KAT6B: variants seen among roughly 807,000 people sequenced by gnomAD.
KAT6B encodes histone acetyltransferase KAT6B.
Under a neutral mutation model 187.5 loss-of-function variants are expected in KAT6B, and 10 were observed. The observed-to-expected ratio is 0.05, with a 90% CI of 0.03 to 0.09. KAT6B has a LOEUF of 0.09. Among genes scored for constraint, KAT6B ranks in the 10% least tolerant of loss-of-function variants. The pLI, the probability that KAT6B is intolerant of heterozygous loss-of-function variation, is 1.00. For missense variants in KAT6B, 1,952 were observed against 2,558.9 expected, an observed-to-expected ratio of 0.76 and a Z score of 5.12; for synonymous variants, 861 against 926.8, an observed-to-expected ratio of 0.93 and a Z score of 1.29.
At chr10:74,867,769 C>A (rs1382575768) in intron 3 of KAT6B, among the ~76,000 whole-genome samples, 2 of 152,126 alleles carry the variant, frequency 1.3e-5, no homozygotes, top group Non-Finnish European at 2.9e-5. Flanking sequence ...GGTCAGTGAG[C>A]AGCTGCTCCA....
At chr10:75,007,296 A>G (rs1844279859) in intron 13 of KAT6B, among the ~76,000 whole-genome samples, 1 of 152,114 alleles carries the variant, frequency 6.6e-6, no homozygotes, top group African/African-American at 2.4e-5. Context: ...TTTGCAAGAG[A>G]TACAGAGTAA....
At chr10:74,959,617 C>G (rs1346278912) in intron 3 of KAT6B, among the ~76,000 whole-genome samples, 1 of 152,018 alleles carries the variant, frequency 6.6e-6, no homozygotes, top group East Asian at 1.9e-4. Context: ...TGGTGAAACC[C>G]CATCTCTACT....
intron 15 of KAT6B, among the ~76,000 whole-genome samples, 155 bp from the exon 16 acceptor site, chr10:75,021,726 T>G (rs1175611283): frequency 6.6e-6 from 1 of 152,208 alleles, no homozygotes; most frequent in East Asian, 1.9e-4. Flanking sequence ...TCCTAACTGA[T>G]GCAAAAGGTT....
intron 13 of KAT6B, among the ~76,000 whole-genome samples, chr10:75,001,747 T>A (rs1416714151): frequency 6.6e-6 from 1 of 152,188 alleles, no homozygotes; most frequent in Admixed American, 6.5e-5. Context: ...AAAATTGCCT[T>A]CTTGAAATAA....
At chr10:74,871,879 TC>T (rs766896818) in intron 3 of KAT6B, among the ~76,000 whole-genome samples, 9 of 152,116 alleles carry the variant, frequency 5.9e-5, no homozygotes, top group Non-Finnish European at 1.3e-4. Flanking sequence ...ATGTGTGGTG[TC>T]CTAACTCTCT....
chr10:74,903,478 T>C (rs531005733), intron 3 of KAT6B, among the ~76,000 whole-genome samples: 1 of 152,266 alleles, frequency 6.6e-6, no homozygotes, highest in South Asian at 2.1e-4. Context: ...TGCCAAGCAA[T>C]GTGGGTAGCT....
chr10:74,928,240 GGT>G (rs1220092367), intron 3 of KAT6B, among the ~76,000 whole-genome samples: 1 of 152,168 alleles, frequency 6.6e-6, no homozygotes, highest in East Asian at 1.9e-4. Context: ...TTCTTTCTCT[GGT>G]TAAAATTATC....
At chr10:74,840,734 T>G (rs1713088311) in intron 2 of KAT6B, among the ~76,000 whole-genome samples, 1 of 152,144 alleles carries the variant, frequency 6.6e-6, no homozygotes, top group Non-Finnish European at 1.5e-5. Flanking sequence ...GTAGAGTGAA[T>G]TTACAGCTTA....
At position 74,979,235 on chromosome 10, in the gene KAT6B, T is replaced by C. The variant is rs1328202221; in HGVS notation, c.2127T>C (p.Cys709=). ...TTTCTATTTGACAGAAAATAGAGTG[T>C]GAGAGTGGGGTGGAAGACTGTGGCC... The part of the protein sequence containing the change: ...AQELSWEKIE[C]ESGVEDCGRY... The change falls in exon 10 of 18, where the codon TGT becomes TGC. Residue 709 remains cysteine, a synonymous_variant. Coordinates refer to ENST00000287239, the MANE Select transcript of KAT6B (RefSeq NM_012330.4). The C allele has an allele frequency of 4.3e-6, 7 of 1,609,868 alleles. No individual in the cohort carries two copies. The highest frequency in any genetic ancestry group is 6.0e-6 in the Non-Finnish European group (7 of 1,176,170).
At chr10:74,913,352 T>G (rs917783472) in intron 3 of KAT6B, among the ~76,000 whole-genome samples, 1 of 152,172 alleles carries the variant, frequency 6.6e-6, no homozygotes, top group Non-Finnish European at 1.5e-5. Flanking sequence ...AAAGTTTAAT[T>G]TATAAATTAG....
intron 13 of KAT6B, among the ~76,000 whole-genome samples, chr10:74,997,354 CTGAG>C (rs1843510499): frequency 6.6e-6 from 1 of 151,648 alleles, no homozygotes; most frequent in Middle Eastern, 3.4e-3. Context: ...CTGACATTTA[CTGAG>C]TGAGTAACAT....
intron 3 of KAT6B, among the ~76,000 whole-genome samples, chr10:74,914,963 G>C (rs1847556794): frequency 6.6e-6 from 1 of 152,062 alleles, no homozygotes; most frequent in Non-Finnish European, 1.5e-5. Context: ...AGCCAGGCTT[G>C]GTGGCCCACA....
At chr10:74,942,455 A>G (rs1281092658) in intron 3 of KAT6B, among the ~76,000 whole-genome samples, 2 of 152,066 alleles carry the variant, frequency 1.3e-5, no homozygotes, top group Non-Finnish European at 2.9e-5. Flanking sequence ...TGTCAACCTG[A>G]TAAAAGACAT....
chr10:74,979,893 T>C (rs1285463254), intron 10 of KAT6B, among the ~76,000 whole-genome samples: 1 of 152,230 alleles, frequency 6.6e-6, no homozygotes, highest in African/African-American at 2.4e-5. Context: ...GCCCGGTGAC[T>C]CACTCCTGTA....
At chr10:74,875,524 T>C (rs542917457) in intron 3 of KAT6B, among the ~76,000 whole-genome samples, 18 of 151,640 alleles carry the variant, frequency 1.2e-4, no homozygotes, top group Non-Finnish European at 2.7e-4. Flanking sequence ...TCACCCAGGC[T>C]GGAGTGCAGT....
At chr10:74,859,351 C>T (rs1843016527) in intron 3 of KAT6B, among the ~76,000 whole-genome samples, 1 of 152,138 alleles carries the variant, frequency 6.6e-6, no homozygotes, top group African/African-American at 2.4e-5. Context: ...TCCCAAAGTG[C>T]TGGGATTATA....
At chr10:74,958,951 T>TC (rs1452556758) in intron 3 of KAT6B, among the ~76,000 whole-genome samples, 1 of 151,780 alleles carries the variant, frequency 6.6e-6, no homozygotes, top group Non-Finnish European at 1.5e-5. Context: ...GGCAAGAGAA[T>TC]CACTTGAACC....
chr10:74,825,867 T>TG (rs1840157219), upstream of KAT6B, among the ~76,000 whole-genome samples: 1 of 128,046 alleles, frequency 7.8e-6, no homozygotes, highest in South Asian at 2.6e-4. The surrounding 1 kb of genome is among the most constrained non-coding windows in gnomAD (Gnocchi z 5.0). Context: ...TAGGGGTGTG[T>TG]TGGGGGGGGA....
At chr10:74,917,910 CAGTG>C (rs1250303748) in intron 3 of KAT6B, among the ~76,000 whole-genome samples, 1 of 152,180 alleles carries the variant, frequency 6.6e-6, no homozygotes, top group Non-Finnish European at 1.5e-5. Flanking sequence ...GTGAAGAACA[CAGTG>C]AGGCATGAAA....
Sources: gnomAD v4.1 joint callset for allele counts (sites outside exome capture counted in the v4.1 genomes callset) on GRCh38, gnomAD v4.1.1 for gene constraint, Gnocchi (gnomAD v3.1) non-coding constraint, MANE v1.5 for transcripts, NCBI Gene and HGNC (gene_info 2026-07-23, HGNC 2026-07-21) for gene names.